The following AKAP13 variants were observed in gnomAD, a reference collection of about 807,000 sequenced individuals.
The protein encoded by AKAP13 is A-kinase anchoring protein 13, also known as A-kinase anchor protein 13.
Under a neutral mutation model 264.5 loss-of-function variants are expected in AKAP13, and 80 were observed. The observed-to-expected ratio is 0.30, with a 90% CI of 0.25 to 0.36. The LOEUF (loss-of-function observed/expected upper bound fraction) is 0.36. Ranked by LOEUF, AKAP13 falls within the 10% of genes least tolerant of loss-of-function variation. The pLI, the probability that AKAP13 is intolerant of heterozygous loss-of-function variation, is 1.00. For missense variants in AKAP13, 3,712 were observed against 3,435.2 expected (o/e 1.08, Z -2.01); for synonymous variants, 1,380 against 1,250.2 (o/e 1.10, Z -2.19).
At chr15:85,536,506 A>G (rs1361748036) in intron 4 of AKAP13, 6 of 152,252 alleles carry the variant, frequency 3.9e-5, no homozygotes, top group African/African-American at 1.2e-4. Flanking sequence ...GTAGTCACCA[A>G]AAAGTCTGTG....
chr15:85,707,625 C>G (rs963017104), intron 17 of AKAP13, among the ~76,000 whole-genome samples: 1 of 152,156 alleles, frequency 6.6e-6, no homozygotes, highest in African/African-American at 2.4e-5. Flanking sequence ...GTTTTGGTAG[C>G]CTCTCAGCTT....
chr15:85,416,784 G>A (rs2072260814), intron 1 of AKAP13, among the ~76,000 whole-genome samples: 1 of 152,154 alleles, frequency 6.6e-6, no homozygotes, highest in South Asian at 2.1e-4. Context: ...CCACTCTTCA[G>A]CAAGGCCATA....
chr15:85,614,809 TAGAC>T (rs893429931), intron 8 of AKAP13, among the ~76,000 whole-genome samples: 13 of 152,194 alleles, frequency 8.5e-5, no homozygotes, highest in East Asian at 5.8e-4. Flanking sequence ...ATCTGTAAAA[TAGAC>T]AGTAAAATTT....
intron 1 of AKAP13, among the ~76,000 whole-genome samples, chr15:85,442,906 A>G (rs894413231): frequency 3.3e-5 from 5 of 152,138 alleles, no homozygotes; most frequent in Admixed American, 3.3e-4. Flanking sequence ...GTATCCCAGA[A>G]AGCTCTGTGA....
rs1402356043 is a variant in AKAP13, at chr15:85,517,323, C to A, written c.34-4105C>A. Among the ~76,000 whole-genome samples, 3 of 151,712 alleles carry A rather than the reference C, an allele frequency of 2.0e-5. 1 individual carries two copies. The highest frequency in any genetic ancestry group is 7.3e-5 in the African/African-American group (3 of 41,218). On this transcript the variant is annotated intron_variant, in intron 2 of 36. Coordinates refer to ENST00000394518, the MANE Select transcript of AKAP13 (RefSeq NM_007200.5). ...ACTGTAATTTGACTCTTCCCATCCC[C>A]CAAATACGTTTCCCTTTCCCATCAC...
At chr15:85,514,224 T>C (rs1172378292) in intron 2 of AKAP13, among the ~76,000 whole-genome samples, 1 of 137,888 alleles carries the variant, frequency 7.3e-6, no homozygotes. Context: ...AGCCCGTCAT[T>C]CTGTGATACT....
chr15:85,729,841 C>A (rs2087867167), intron 29 of AKAP13, among the ~76,000 whole-genome samples: 1 of 152,104 alleles, frequency 6.6e-6, no homozygotes, highest in Non-Finnish European at 1.5e-5. Context: ...GAGGCTGAGG[C>A]AGGAGAATCG....
At chr15:85,732,601 A>G (rs1471447262) in intron 30 of AKAP13, among the ~76,000 whole-genome samples, 3 of 150,368 alleles carry the variant, frequency 2.0e-5, no homozygotes, top group African/African-American at 7.3e-5. Context: ...TTTTTTAACT[A>G]AACCTATTTA....
intron 33 of AKAP13, among the ~76,000 whole-genome samples, chr15:85,739,984 C>T (rs1056406900): frequency 5.3e-5 from 8 of 152,196 alleles, no homozygotes; most frequent in Non-Finnish European, 1.2e-4. Flanking sequence ...CTTTCTATTA[C>T]ATTTTAACTT....
chr15:85,587,765 G>T (rs2079420553), intron 8 of AKAP13, among the ~76,000 whole-genome samples: 1 of 152,118 alleles, frequency 6.6e-6, no homozygotes, highest in African/African-American at 2.4e-5. Context: ...TCTTGTCTCA[G>T]CCTCCCGAGT....
chr15:85,545,921 A>G (rs1011676289), intron 5 of AKAP13, among the ~76,000 whole-genome samples: 1 of 152,136 alleles, frequency 6.6e-6, no homozygotes. Flanking sequence ...CACAACACTC[A>G]CAGAGTTACG....
chr15:85,436,494 C>T (rs1156296251), intron 1 of AKAP13, among the ~76,000 whole-genome samples: 2 of 148,178 alleles, frequency 1.3e-5, no homozygotes, highest in African/African-American at 5.0e-5. Flanking sequence ...AACTCTCCAC[C>T]CCAAATCAAC....
Position 85,582,824 on chromosome 15 carries a change from C to T in AKAP13, c.4039+717C>T, listed in dbSNP as rs1005919040. ...CAGGGGATAGGATGCAGGATTTCCG[C>T]CCAAGCCCAGTCTGCTGAGCTGCTG... On this transcript the variant is annotated intron_variant, in intron 7 of 36. Coordinates refer to ENST00000394518, the MANE Select transcript of AKAP13 (RefSeq NM_007200.5). 9 of 978,488 alleles carry T rather than the reference C, an allele frequency of 9.2e-6. No homozygotes were observed. The African/African-American group carries it at 1.6e-4, about 17-fold the overall frequency. The allele number at this position is 978,488 out of a possible 1,614,324, so 60.6% of individuals were successfully genotyped here. A position where few individuals can be genotyped will look rare whatever the true frequency, so the allele number is the denominator to read the frequency against.
chr15:85,464,938 A>G (rs981832758), intron 1 of AKAP13, among the ~76,000 whole-genome samples: 10 of 151,842 alleles, frequency 6.6e-5, no homozygotes, highest in African/African-American at 2.4e-4. Flanking sequence ...TTTAGGCATT[A>G]ATTACTTTTT....
chr15:85,638,949 G>T (rs2082186265), intron 8 of AKAP13, among the ~76,000 whole-genome samples: 1 of 152,044 alleles, frequency 6.6e-6, no homozygotes, highest in Non-Finnish European at 1.5e-5. Flanking sequence ...AGTAGAGATG[G>T]GGTTTTGCCA....
At chr15:85,555,858 T>C (rs1187427979) in intron 5 of AKAP13, among the ~76,000 whole-genome samples, 1 of 152,238 alleles carries the variant, frequency 6.6e-6, no homozygotes, top group Non-Finnish European at 1.5e-5. Context: ...TTGGATGCTG[T>C]AACCTTATCT....
chr15:85,509,795 A>C (rs1034960863), intron 2 of AKAP13, among the ~76,000 whole-genome samples: 2 of 152,248 alleles, frequency 1.3e-5, no homozygotes, highest in African/African-American at 2.4e-5. Context: ...CTAGTGTTAC[A>C]TGACATTTTA....
At chr15:85,466,197 G>A (rs1567071505) in intron 1 of AKAP13, among the ~76,000 whole-genome samples, 1 of 150,296 alleles carries the variant, frequency 6.7e-6, no homozygotes, top group African/African-American at 2.4e-5. Context: ...TTTTGATGGG[G>A]TTGTTTGTTT....
At chr15:85,564,642 C>T (rs2078538041) in intron 5 of AKAP13, among the ~76,000 whole-genome samples, 1 of 152,144 alleles carries the variant, frequency 6.6e-6, no homozygotes, top group Non-Finnish European at 1.5e-5. Context: ...GCCACCTGTG[C>T]CTTTTGAGCC....
Sources: allele counts gnomAD v4.1 joint callset (sites outside exome capture counted in the v4.1 genomes callset), GRCh38; gene constraint gnomAD v4.1.1; transcripts MANE v1.5; gene names NCBI Gene and HGNC (gene_info 2026-07-23, HGNC 2026-07-21).